Variants in AK5 observed in about 807,000 individuals in gnomAD.
AK5 encodes adenylate kinase 5, also known as adenylate kinase isoenzyme 5.
In AK5, 27 loss-of-function variants were observed where a neutral mutation model predicts 69.5. That is an observed-to-expected ratio of 0.39 (90% CI 0.29 to 0.54). The LOEUF is 0.54. Ranked by LOEUF, AK5 falls within the 20% of genes least tolerant of loss-of-function variation. The pLI, the probability that AK5 is intolerant of heterozygous loss-of-function variation, is 0.71. For synonymous variants in AK5, 260 were observed against 244.4 expected (o/e 1.06, Z -0.60); for missense variants, 531 against 700.4 (o/e 0.76, Z 2.73).
intron 8 of AK5, among the ~76,000 whole-genome samples, chr1:77,418,199 C>T (rs1429448658): frequency 6.6e-6 from 1 of 152,150 alleles, no homozygotes; most frequent in Non-Finnish European, 1.5e-5. Context: ...GGAGACCTCA[C>T]AATCATGGCA....
At chr1:77,310,125 A>G (rs902275764) in intron 5 of AK5, among the ~76,000 whole-genome samples, 2 of 152,142 alleles carry the variant, frequency 1.3e-5, no homozygotes, top group African/African-American at 2.4e-5. Flanking sequence ...TGAGGTAGCA[A>G]TATAACTTTA....
intron 12 of AK5, among the ~76,000 whole-genome samples, chr1:77,531,372 C>T (rs1320525164): frequency 6.6e-6 from 1 of 152,146 alleles, no homozygotes; most frequent in Admixed American, 6.5e-5. Context: ...GCTGATTGGT[C>T]CATTTTACAG....
intron 8 of AK5, among the ~76,000 whole-genome samples, chr1:77,452,499 C>A (rs1187041018): frequency 6.6e-6 from 1 of 152,154 alleles, no homozygotes; most frequent in African/African-American, 2.4e-5. Flanking sequence ...AGATTGGATC[C>A]AATTTAGTCC....
intron 5 of AK5, among the ~76,000 whole-genome samples, chr1:77,332,985 A>G (rs1417142082): frequency 6.6e-6 from 1 of 151,690 alleles, no homozygotes; most frequent in Non-Finnish European, 1.5e-5. Context: ...AGCTTACTAG[A>G]TCATGCAAAT....
At chr1:77,285,013 C>T (rs1341955315) in intron 1 of AK5, among the ~76,000 whole-genome samples, 4 of 152,138 alleles carry the variant, frequency 2.6e-5, no homozygotes, top group Admixed American at 1.3e-4. Context: ...TCTCATATCA[C>T]GTTTCTGCAA....
chr1:77,299,375 A>G (rs555586144), intron 5 of AK5, among the ~76,000 whole-genome samples: 4 of 151,678 alleles, frequency 2.6e-5, no homozygotes, highest in African/African-American at 9.6e-5. Flanking sequence ...ATATCGTATT[A>G]AACAGTATTA....
chr1:77,375,062 C>T (rs993784708), intron 6 of AK5, among the ~76,000 whole-genome samples: 2 of 152,126 alleles, frequency 1.3e-5, no homozygotes, highest in African/African-American at 4.8e-5. Context: ...TCATTTAGTC[C>T]TCTCAATAAC....
At chr1:77,499,285 G>A (rs1656551717) in intron 10 of AK5, among the ~76,000 whole-genome samples, 1 of 152,152 alleles carries the variant, frequency 6.6e-6, no homozygotes, top group South Asian at 2.1e-4. Context: ...GGCAAAAAAG[G>A]ACTCTTTCCT....
chr1:77,415,657 G>A (rs1650376006), intron 7 of AK5, among the ~76,000 whole-genome samples: 1 of 152,058 alleles, frequency 6.6e-6, no homozygotes, highest in African/African-American at 2.4e-5. Context: ...CCTATGACCT[G>A]CGTCATCATC....
chr1:77,433,726 G>A (rs559841042), intron 8 of AK5, among the ~76,000 whole-genome samples: 2 of 151,978 alleles, frequency 1.3e-5, no homozygotes, highest in South Asian at 2.1e-4. Context: ...TCTTCAATCT[G>A]GAAAACAAAA....
chr1:77,282,306 G>T lies in AK5; in HGVS notation c.-8G>T. On this transcript the variant is annotated 5_prime_UTR_variant, in exon 1 of 14. Coordinates refer to ENST00000354567, the MANE Select transcript of AK5 (RefSeq NM_174858.3). ...CCGCTTGCGCCCCAAGGCACGCGCG[G>T]CACAGCCATGAACACCAACGATGCC... is the stretch of plus-strand genomic sequence containing the variant. 6.4e-7 allele frequency: 1 copy of T among 1,552,022 alleles called. No homozygotes were observed. Among genetic ancestry groups the T allele is most frequent in the South Asian group, 1.2e-5 (1 of 82,606 alleles).
At chr1:77,535,523 A>G (rs1486066926) in intron 12 of AK5, among the ~76,000 whole-genome samples, 1 of 152,130 alleles carries the variant, frequency 6.6e-6, no homozygotes, top group Non-Finnish European at 1.5e-5. Context: ...CATTAGAGGA[A>G]ACACCCCCTC....
intron 6 of AK5, among the ~76,000 whole-genome samples, chr1:77,366,397 C>T (rs1570446257): frequency 6.6e-6 from 1 of 152,308 alleles, no homozygotes; most frequent in South Asian, 2.1e-4. Flanking sequence ...CCATCATTAT[C>T]TCCCATATGT....
chr1:77,550,455 A>G (rs2100394608), intron 13 of AK5, among the ~76,000 whole-genome samples: 1 of 152,356 alleles, frequency 6.6e-6, no homozygotes, highest in South Asian at 2.1e-4. Context: ...AACACACCCT[A>G]TATTGCAGGA....
rs143385696 is a variant in AK5, at chr1:77,433,694, G to A, written c.1059+15979G>A. On this transcript the variant is annotated intron_variant, in intron 8 of 13. Transcript: ENST00000354567. ...CTTTACCAAGCAGCTGTAAACTATAGATGGCTTAAGACAAAAAGTTTTCTT... is the reference window on the plus strand; with the variant it reads ...CTTTACCAAGCAGCTGTAAACTATAAATGGCTTAAGACAAAAAGTTTTCTT... 4.3e-3 allele frequency among the ~76,000 whole-genome samples: 649 copies of A among 152,186 alleles called. 7 individuals carry two copies. Among genetic ancestry groups the A allele is most frequent in the African/African-American group, 0.014 (601 of 41,514 alleles).
chr1:77,342,931 G>C (rs1391086168), intron 6 of AK5, among the ~76,000 whole-genome samples: 1 of 151,986 alleles, frequency 6.6e-6, no homozygotes, highest in Non-Finnish European at 1.5e-5. Flanking sequence ...CTAGGGGACA[G>C]GGGTGCAGAG....
chr1:77,463,318 GT>G (rs2100680597), intron 8 of AK5, among the ~76,000 whole-genome samples: 1 of 152,244 alleles, frequency 6.6e-6, no homozygotes, highest in Non-Finnish European at 1.5e-5. Context: ...GAGCTTTATG[GT>G]TTTTGTACAT....
At chr1:77,465,598 C>G (rs1056953517) in intron 8 of AK5, among the ~76,000 whole-genome samples, 10 of 152,030 alleles carry the variant, frequency 6.6e-5, no homozygotes, top group African/African-American at 2.2e-4. Flanking sequence ...TTAAATTTTC[C>G]CCTCAGAATG....
At chr1:77,368,215 C>CTATA (rs1172723260) in intron 6 of AK5, among the ~76,000 whole-genome samples, 3 of 28,202 alleles carry the variant, frequency 1.1e-4, no homozygotes, top group African/African-American at 2.8e-4. Flanking sequence ...AGTAGAGATA[C>CTATA]TATATATATA....
Sources: allele counts gnomAD v4.1 joint callset (sites outside exome capture counted in the v4.1 genomes callset), GRCh38; gene constraint gnomAD v4.1.1; transcripts MANE v1.5; gene names NCBI Gene and HGNC (gene_info 2026-07-23, HGNC 2026-07-21).